The following PDE1C variants were observed in gnomAD, a reference collection of about 807,000 sequenced individuals.
PDE1C encodes the protein dual specificity calcium/calmodulin-dependent 3',5'-cyclic nucleotide phosphodiesterase 1C.
In PDE1C, 62 loss-of-function variants were observed where a neutral mutation model predicts 93.1. The ratio of observed to expected loss-of-function variants is 0.67; its 90% CI spans 0.54 to 0.82. The LOEUF (loss-of-function observed/expected upper bound fraction) is 0.82, where lower values mean the gene tolerates loss of function less well. Ranked by LOEUF, PDE1C falls within the 40% of genes least tolerant of loss-of-function variation. The pLI, the probability that PDE1C is intolerant of heterozygous loss-of-function variation, is 0.00. For missense variants in PDE1C, 742 were observed against 884.6 expected (o/e 0.84, Z 2.04); for synonymous variants, 325 against 310.1 (o/e 1.05, Z -0.50).
intron 3 of PDE1C, among the ~76,000 whole-genome samples, chr7:32,160,134 A>T (rs908662856): frequency 2.6e-5 from 4 of 152,118 alleles, no homozygotes; most frequent in African/African-American, 9.7e-5. Context: ...GTCAGATCAC[A>T]CCTGCCAGCA....
chr7:32,135,961 T>G (rs1800182320), intron 3 of PDE1C, among the ~76,000 whole-genome samples: 1 of 152,196 alleles, frequency 6.6e-6, no homozygotes, highest in Non-Finnish European at 1.5e-5. Context: ...AAAGACATGA[T>G]AGCATGCAGT....
At chr7:31,940,349 A>G (rs1008639668) in intron 2 of PDE1C, among the ~76,000 whole-genome samples, 1 of 152,206 alleles carries the variant, frequency 6.6e-6, no homozygotes, top group Admixed American at 6.5e-5. Flanking sequence ...AAGCAGAGGC[A>G]GTAGCTGTAA....
chr7:32,388,551 A>C (rs912495928), intron 1 of PDE1C, among the ~76,000 whole-genome samples: 1 of 151,928 alleles, frequency 6.6e-6, no homozygotes, highest in Non-Finnish European at 1.5e-5. Flanking sequence ...ATGGGGGTGC[A>C]CATCTGTAGT....
chr7:32,301,301 T>C (rs913376745), upstream of PDE1C, among the ~76,000 whole-genome samples: 1 of 152,054 alleles, frequency 6.6e-6, no homozygotes, highest in African/African-American at 2.4e-5. Flanking sequence ...TCTCCTGTAG[T>C]AAATTATCAA....
the PDE1C span, among the ~76,000 whole-genome samples, chr7:31,691,635 G>T: frequency 6.6e-6 from 1 of 151,902 alleles, no homozygotes; most frequent in Admixed American, 6.5e-5. Flanking sequence ...AAGATGGAGG[G>T]TGGGGACGGG....
At chr7:32,128,747 T>C (rs1799728575) in intron 3 of PDE1C, among the ~76,000 whole-genome samples, 1 of 151,250 alleles carries the variant, frequency 6.6e-6, no homozygotes, top group South Asian at 2.1e-4. Flanking sequence ...AATGTACTAC[T>C]AGTGCAAGAA....
chr7:32,258,259 G>A (rs567008667), intron 1 of PDE1C, among the ~76,000 whole-genome samples: 8 of 152,326 alleles, frequency 5.3e-5, no homozygotes, highest in Non-Finnish European at 1.5e-5. Flanking sequence ...TCAATTATAT[G>A]ATGGGAATAA....
At chr7:32,155,646 T>A (rs994571412) in intron 3 of PDE1C, among the ~76,000 whole-genome samples, 1 of 152,176 alleles carries the variant, frequency 6.6e-6, no homozygotes, top group Non-Finnish European at 1.5e-5. Context: ...CTGAATCATA[T>A]CACTTGCAAA....
chr7:32,201,381 A>T (rs913190167), intron 2 of PDE1C, among the ~76,000 whole-genome samples: 11 of 152,218 alleles, frequency 7.2e-5, no homozygotes, highest in Non-Finnish European at 1.6e-4. Context: ...GTTACATTAC[A>T]TACAAAAAAA....
chr7:32,073,956 C>T (rs1796206293), upstream of PDE1C, among the ~76,000 whole-genome samples: 1 of 152,160 alleles, frequency 6.6e-6, no homozygotes, highest in Non-Finnish European at 1.5e-5. Context: ...GTTTAGGAAA[C>T]ATTACATGGT....
chr7:31,711,562 A>G, the PDE1C span, among the ~76,000 whole-genome samples: 1 of 152,200 alleles, frequency 6.6e-6, no homozygotes, highest in Non-Finnish European at 1.5e-5. Context: ...TGATCCAGAA[A>G]GAGTAAATTA....
intron 2 of PDE1C, among the ~76,000 whole-genome samples, chr7:32,000,530 A>C (rs1785321684): frequency 6.6e-6 from 1 of 152,092 alleles, no homozygotes; most frequent in Admixed American, 6.5e-5. Context: ...TGGCAGCCAC[A>C]CCCCTCATTA....
At chr7:32,249,937 A>G (rs545673142) in intron 1 of PDE1C, among the ~76,000 whole-genome samples, 1 of 152,362 alleles carries the variant, frequency 6.6e-6, no homozygotes, top group Admixed American at 6.5e-5. Context: ...ATATAAATAC[A>G]AAATATACAT....
chr7:32,095,722 G>C (rs1239381312), intron 3 of PDE1C, among the ~76,000 whole-genome samples: 1 of 152,134 alleles, frequency 6.6e-6, no homozygotes, highest in East Asian at 1.9e-4. Flanking sequence ...GCTGCTGGGG[G>C]TGCTTCTCTG....
intron 9 of PDE1C, among the ~76,000 whole-genome samples, chr7:31,843,583 A>G (rs1308160579): frequency 6.6e-6 from 1 of 151,880 alleles, no homozygotes; most frequent in Non-Finnish European, 1.5e-5. Context: ...TTATATTTAA[A>G]GTGTATCTCT....
chr7:32,002,293 T>C (rs1785569170), intron 2 of PDE1C, among the ~76,000 whole-genome samples: 1 of 152,044 alleles, frequency 6.6e-6, no homozygotes, highest in Admixed American at 6.6e-5. Context: ...AAGAAACACA[T>C]TCATAAATAT....
At chr7:32,230,101 C>T (rs967008006) in intron 1 of PDE1C, among the ~76,000 whole-genome samples, 2 of 152,144 alleles carry the variant, frequency 1.3e-5, no homozygotes, top group African/African-American at 2.4e-5. Flanking sequence ...GGAGGGAAAA[C>T]GTCATCAAGT....
At chr7:32,083,679 A>G (rs1489470210) in intron 3 of PDE1C, among the ~76,000 whole-genome samples, 1 of 152,212 alleles carries the variant, frequency 6.6e-6, no homozygotes. Context: ...AAGCCAGAAG[A>G]GAGTGGGGTC....
intron 1 of PDE1C, among the ~76,000 whole-genome samples, chr7:32,260,737 G>A (rs551880639): frequency 6.6e-5 from 10 of 152,278 alleles, no homozygotes; most frequent in African/African-American, 2.4e-4. Flanking sequence ...GTTTGACTCT[G>A]AAACAAAATT....
Sources: allele counts gnomAD v4.1 joint callset (sites outside exome capture counted in the v4.1 genomes callset), GRCh38; gene constraint gnomAD v4.1.1; transcripts MANE v1.5; gene names NCBI Gene and HGNC (gene_info 2026-07-23, HGNC 2026-07-21).